Variants in CUL9 observed in about 807,000 individuals in gnomAD.
CUL9 encodes the protein cullin-9.
A neutral mutation model predicts 272.6 loss-of-function variants in CUL9; 79 were observed. The ratio of observed to expected loss-of-function variants is 0.29; its 90% CI spans 0.24 to 0.35. CUL9 has a LOEUF of 0.35. CUL9 is among the 10% of genes least tolerant of loss of function. The pLI, the probability that CUL9 is intolerant of heterozygous loss-of-function variation, is 1.00. For missense variants in CUL9, 2,532 were observed against 3,255.6 expected (o/e 0.78, Z 5.41); for synonymous variants, 1,186 against 1,286.5 (o/e 0.92, Z 1.67).
rs763408580 is a variant in CUL9, at chr6:43,202,731, G to C, written c.3663G>C (p.Leu1221=). 1 of 1,613,994 alleles carries C rather than the reference G, an allele frequency of 6.2e-7. No individual in the cohort carries two copies. Among genetic ancestry groups the C allele is most frequent in the African/African-American group, 1.3e-5 (1 of 74,918 alleles). ...RGVLVRQLTL[L]VASEDSSYMP... The stretch of plus-strand genomic sequence containing the variant: ...TCTTTCCCAGGCAGCTCACTTTGCT[G>C]GTGGCCAGTGAGGACTCAAGCTACA... The change falls in exon 17 of 41, where the codon CTG becomes CTC. Residue 1221 remains leucine (L), a synonymous_variant. Coordinates refer to ENST00000252050, the MANE Select transcript of CUL9 (RefSeq NM_015089.4).
chr6:43,186,846 C>CT, intron 4 of CUL9, 114 bp from the exon 5 acceptor site: 1 of 1,342,080 alleles, frequency 7.5e-7, no homozygotes, highest in Middle Eastern at 2.7e-4. Context: ...AGGTGTGTAT[C>CT]TGAGGGTGCG....
At chr6:43,212,990 G>C in intron 26 of CUL9, 159 bp from the exon 27 acceptor site, 1 of 783,416 alleles carries the variant, frequency 1.3e-6, no homozygotes, top group Non-Finnish European at 2.0e-6. Context: ...GCGCAGGGAA[G>C]GCTGAGATCT....
rs748759827 is a variant in CUL9, at chr6:43,193,117, C to G, written c.2297C>G (p.Pro766Arg). The change falls in exon 9 of 41, where the codon CCG (proline) becomes CGG (arginine). Residue 766 changes from proline to arginine, a missense_variant. Physicochemically the swap from Pro to Arg is moderately radical, Grantham distance 103 (BLOSUM62 -2). Transcript: ENST00000252050. ...CTCATGACCAAGCACGAGTGGCGGC[C>G]GCTCTTTGCCAGGGAGGGTGGCATC... ...YLLMTKHEWRPLFAREGGIYA... is the reference protein window; with the variant it reads ...YLLMTKHEWRRLFAREGGIYA... 5 of 1,614,026 alleles carry G rather than the reference C, an allele frequency of 3.1e-6. No homozygotes were observed. The highest frequency in any genetic ancestry group is 4.2e-6 in the Non-Finnish European group (5 of 1,180,042).
chr6:43,198,662 C>T lies in CUL9; in HGVS notation c.2857C>T (p.Arg953Ter), dbSNP rs1010552244. The change falls in exon 12 of 41, where the codon CGA (arginine) becomes TGA (stop). Residue 953 changes from arginine to a stop codon, truncating the protein, a stop_gained. Coordinates refer to ENST00000252050, the MANE Select transcript of CUL9 (RefSeq NM_015089.4). LOFTEE classifies it high-confidence loss of function. ...GQDGSPELLIRSLVGGPSAEL... is the reference protein window; with the variant it reads ...GQDGSPELLI ...GGATGGGTCCCCTGAGCTACTGATT[C>T]GATCCCTGGTTGGGGGCCCATCTGC... The T allele has an allele frequency of 6.2e-7, 1 of 1,613,838 alleles. No individual in the cohort carries two copies. Among genetic ancestry groups the T allele is most frequent in the Non-Finnish European group, 8.5e-7 (1 of 1,179,954 alleles).
At position 43,199,763 on chromosome 6, in the gene CUL9, A is replaced by C. The variant is rs986704473; in HGVS notation, c.3157-166A>C. On this transcript the variant is annotated intron_variant, in intron 13 of 40. Coordinates refer to ENST00000252050, the MANE Select transcript of CUL9 (RefSeq NM_015089.4). This position sits in a 1 kb window ranked among gnomAD's most constrained non-coding sequence, Gnocchi z 4.4. ...TGCCAACTCACTCTGGAGTCCCAGC[A>C]CTCCTCTATTTTACTCCACCCTGAA... 6.6e-6 allele frequency among the ~76,000 whole-genome samples: 1 copy of C among 151,568 alleles called. No homozygotes were observed. Among genetic ancestry groups the C allele is most frequent in the Admixed American group, 6.6e-5 (1 of 15,222 alleles).
chr6:43,204,967 C>G lies in CUL9; in HGVS notation c.4484C>G (p.Pro1495Arg). 1 of 1,611,434 alleles carries G rather than the reference C, an allele frequency of 6.2e-7. No homozygotes were observed. ...SRFLAAAWRA[P>R]DFVPRYCKLY... is the part of the protein sequence containing the mutation. ...TTCCTGGCTGCAGCTTGGAGGGCCCCAGACTTTGTGCCTCGTTACTGTAAA... is the reference window on the plus strand; with the variant it reads ...TTCCTGGCTGCAGCTTGGAGGGCCCGAGACTTTGTGCCTCGTTACTGTAAA... Residue 1495 changes from proline (P) to arginine (R), a missense_variant, in exon 23 of 41, where the codon CCA becomes CGA. By Grantham distance (103) the Pro-to-Arg change is moderately radical (BLOSUM62 -2). Transcript: ENST00000252050.
chr6:43,216,168 G>A lies in CUL9; in HGVS notation c.5947G>A (p.Val1983Met), dbSNP rs750312525. The A allele has an allele frequency of 8.7e-6, 14 of 1,602,538 alleles. 1 individual carries two copies. Among genetic ancestry groups the A allele is most frequent in the South Asian group, 2.2e-5 (2 of 90,874 alleles). ...TTCCCTCCCCACAAGCCCAGAAGCTGTGGCTACCCTGGCATCTCTACAGCT... is the reference window on the plus strand; with the variant it reads ...TTCCCTCCCCACAAGCCCAGAAGCTATGGCTACCCTGGCATCTCTACAGCT... ...SETSKPSPEA[V>M]ATLASLQLPA... The change falls in exon 31 of 41, where the codon GTG becomes ATG. Residue 1983 changes from valine (V) to methionine (M), a missense_variant. Val to Met is a conservative substitution (Grantham distance 21). Transcript: ENST00000252050.
At chr6:43,204,148 A>T (rs1774860699) in intron 20 of CUL9, 161 bp downstream of exon 20, 1 of 1,073,240 alleles carries the variant, frequency 9.3e-7, no homozygotes, top group Non-Finnish European at 1.3e-6. Flanking sequence ...CTGCTCCCTG[A>T]GACTCTGGTA....
chr6:43,199,628 C>G lies in CUL9; in HGVS notation c.3156+257C>G, dbSNP rs769707987. Reference sequence around the variant, plus strand: ...AGCCCACATTCACCAATCCAGACAGCTGTCCTCCCTTCCGGGTTTGTGCAT... The same window carrying G: ...AGCCCACATTCACCAATCCAGACAGGTGTCCTCCCTTCCGGGTTTGTGCAT... On this transcript the variant is annotated intron_variant, in intron 13 of 40. Coordinates refer to ENST00000252050, the MANE Select transcript of CUL9 (RefSeq NM_015089.4). This position sits in a 1 kb window ranked among gnomAD's most constrained non-coding sequence, Gnocchi z 4.4. 9.2e-5 allele frequency among the ~76,000 whole-genome samples: 14 copies of G among 152,260 alleles called. No individual in the cohort carries two copies. The highest frequency in any genetic ancestry group is 1.7e-4 in the African/African-American group (7 of 41,472).
rs1019895838 is a variant in CUL9, at chr6:43,189,763, G to A, written c.2180+1048G>A. ...TCACCCTGTTGGCCAGGCTGGTCTC[G>A]AACTCCTAACCTCAGATGATCCAGT... On this transcript the variant is annotated intron_variant, in intron 8 of 40. Transcript: ENST00000252050. Among the ~76,000 whole-genome samples, 6 of 151,908 alleles carry A rather than the reference G, an allele frequency of 3.9e-5. No individual in the cohort carries two copies. The South Asian group carries it at 8.3e-4, about 21-fold the overall frequency.
Position 43,221,032 on chromosome 6 carries a change from T to C in CUL9, c.6588+121T>C, listed in dbSNP as rs1776322184. 6.8e-7 allele frequency: 1 copy of C among 1,468,002 alleles called. No individual in the cohort carries two copies. The highest frequency in any genetic ancestry group is 9.1e-7 in the Non-Finnish European group (1 of 1,094,898). The allele number at this position is 1,468,002 out of a possible 1,614,324, so 90.9% of individuals were successfully genotyped here. ...TCCTTCCTCAGCCTCTGCCACCCAG[T>C]TGAGCTCTGTTCCTCTTCCTGGAGC... On this transcript the variant is annotated intron_variant, in intron 33 of 40. Coordinates refer to ENST00000252050, the MANE Select transcript of CUL9 (RefSeq NM_015089.4). This position sits in a 1 kb window ranked among gnomAD's most constrained non-coding sequence, Gnocchi z 4.2.
chr6:43,206,307 C>T lies in CUL9; in HGVS notation c.5023-14C>T. Reference sequence around the variant, plus strand: ...AGGGAGCCCAAGGGCCCTTGAAATCCTTCTGTCCCTCAGGAGGAAGAGGAG... The same window carrying T: ...AGGGAGCCCAAGGGCCCTTGAAATCTTTCTGTCCCTCAGGAGGAAGAGGAG... On this transcript the variant is annotated splice_polypyrimidine_tract_variant and intron_variant, in intron 25 of 40. Coordinates refer to ENST00000252050, the MANE Select transcript of CUL9 (RefSeq NM_015089.4). This position sits in a 1 kb window ranked among gnomAD's most constrained non-coding sequence, Gnocchi z 4.8. 1 of 1,613,776 alleles carries T rather than the reference C, an allele frequency of 6.2e-7. No homozygotes were observed. Among genetic ancestry groups the T allele is most frequent in the Non-Finnish European group, 8.5e-7 (1 of 1,179,790 alleles).
chr6:43,188,088 C>T lies in CUL9; in HGVS notation c.1957C>T (p.Leu653=), dbSNP rs576021659. The T allele has an allele frequency of 1.2e-6, 2 of 1,613,798 alleles. No homozygotes were observed. Among genetic ancestry groups the T allele is most frequent in the South Asian group, 1.1e-5 (1 of 91,062 alleles). The change falls in exon 7 of 41, where the codon CTG becomes TTG. Residue 653 remains leucine, a synonymous_variant. Transcript: ENST00000252050. ...GCTTCTGGTGACTGAGGGGATGACCCTGCCCACTGAGATGAAGGAGGCAGC... is the reference window on the plus strand; with the variant it reads ...GCTTCTGGTGACTGAGGGGATGACCTTGCCCACTGAGATGAAGGAGGCAGC... ...NQLLVTEGMT[L]PTEMKEAASE...
chr6:43,199,736 T>A lies in CUL9; in HGVS notation c.3157-193T>A, dbSNP rs1308116066. Among the ~76,000 whole-genome samples, 1 of 152,206 alleles carries A rather than the reference T, an allele frequency of 6.6e-6. No individual in the cohort carries two copies. Among genetic ancestry groups the A allele is most frequent in the African/African-American group, 2.4e-5 (1 of 41,466 alleles). ...CTGGAAAGCTGTGCCCAAGCTCTGT[T>A]CTGCCAACTCACTCTGGAGTCCCAG... On this transcript the variant is annotated intron_variant, in intron 13 of 40. Transcript: ENST00000252050. This position sits in a 1 kb window ranked among gnomAD's most constrained non-coding sequence, Gnocchi z 4.4.
At position 43,204,853 on chromosome 6, in the gene CUL9, A is replaced by C; in HGVS notation, c.4445A>C (p.Glu1482Ala). The change falls in exon 22 of 41, where the codon GAG (glutamate) becomes GCG (alanine). Residue 1482 changes from glutamate (E) to alanine (A), a missense_variant. Coordinates refer to ENST00000252050, the MANE Select transcript of CUL9 (RefSeq NM_015089.4). ...ITQCWLSVVQ[E>A]QVSRFLAAAW... ...CAGTGCTGGCTGAGCGTGGTGCAGG[A>C]GCAGGTGGGCAGAAGCAAGCAGAAG... 6.2e-7 allele frequency: 1 copy of C among 1,614,118 alleles called. No individual in the cohort carries two copies. Among genetic ancestry groups the C allele is most frequent in the Non-Finnish European group, 8.5e-7 (1 of 1,180,024 alleles).
At chr6:43,196,926 G>C in intron 11 of CUL9, 64 bp downstream of exon 11, 1 of 1,325,674 alleles carries the variant, frequency 7.5e-7, no homozygotes, top group Non-Finnish European at 1.1e-6. Flanking sequence ...TTACATATCA[G>C]CTCCTTACTG....
At chr6:43,219,939 G>A (rs556359306) in intron 31 of CUL9, among the ~76,000 whole-genome samples, 66 of 152,280 alleles carry the variant, frequency 4.3e-4, no homozygotes, top group Non-Finnish European at 8.1e-4. Context: ...AAGTTGATCA[G>A]GGTTTGGGGG....
At chr6:43,219,616 G>A (rs1431337352) in intron 31 of CUL9, among the ~76,000 whole-genome samples, 1 of 152,192 alleles carries the variant, frequency 6.6e-6, no homozygotes, top group Non-Finnish European at 1.5e-5. Flanking sequence ...AATTTATGCT[G>A]CAGCTTTGAT....
Position 43,190,235 on chromosome 6 carries a change from G to A in CUL9, c.2180+1520G>A, listed in dbSNP as rs1046758670. Among the ~76,000 whole-genome samples, 7 of 150,592 alleles carry A rather than the reference G, an allele frequency of 4.6e-5. No homozygotes were observed. The South Asian group carries it at 8.3e-4, about 18-fold the overall frequency. Reference sequence around the variant, plus strand: ...TAATTGGCAGCATTTTAAATGATTGGTATCTCTTTGTTTTAATTTCCTAGT... The same window carrying A: ...TAATTGGCAGCATTTTAAATGATTGATATCTCTTTGTTTTAATTTCCTAGT... On this transcript the variant is annotated intron_variant, in intron 8 of 40. Transcript: ENST00000252050.
Sources: gnomAD v4.1 joint callset for allele counts (sites outside exome capture counted in the v4.1 genomes callset) on GRCh38, gnomAD v4.1.1 for gene constraint, Gnocchi (gnomAD v3.1) non-coding constraint, MANE v1.5 for transcripts, NCBI Gene and HGNC (gene_info 2026-07-23, HGNC 2026-07-21) for gene names.